EPB41L4B: variants seen among roughly 807,000 people sequenced by gnomAD.
The protein encoded by EPB41L4B is band 4.1-like protein 4B.
EPB41L4B carries 30 observed loss-of-function variants against 112.5 expected under a neutral mutation model. The observed-to-expected ratio is 0.27, with a 90% CI of 0.20 to 0.36. The LOEUF (loss-of-function observed/expected upper bound fraction) is 0.36. Among genes scored for constraint, EPB41L4B ranks in the 10% least tolerant of loss-of-function variants. EPB41L4B has a pLI of 1.00. For missense variants in EPB41L4B, 1,024 were observed against 1,133.3 expected, an observed-to-expected ratio of 0.90 and a Z score of 1.38; for synonymous variants, 408 against 439.7, an observed-to-expected ratio of 0.93 and a Z score of 0.90.
intron 1 of EPB41L4B, among the ~76,000 whole-genome samples, chr9:109,312,933 C>T (rs1280685979): frequency 6.6e-6 from 1 of 152,144 alleles, no homozygotes; most frequent in Non-Finnish European, 1.5e-5. Context: ...TCCATTGTCA[C>T]TCTGGGGACC....
chr9:109,249,658 C>T (rs1457496637), intron 13 of EPB41L4B, among the ~76,000 whole-genome samples: 2 of 151,864 alleles, frequency 1.3e-5, no homozygotes, highest in Non-Finnish European at 1.5e-5. Context: ...CTTACAAGCC[C>T]CAGAGAATTA....
intron 2 of EPB41L4B, among the ~76,000 whole-genome samples, chr9:109,275,657 A>T (rs921699878): frequency 6.6e-6 from 1 of 152,114 alleles, no homozygotes; most frequent in Non-Finnish European, 1.5e-5. Flanking sequence ...GGTTACAAAA[A>T]CTTTTCTCCT....
At chr9:109,238,041 C>A (rs993515408) in intron 15 of EPB41L4B, among the ~76,000 whole-genome samples, 4 of 152,058 alleles carry the variant, frequency 2.6e-5, no homozygotes, top group African/African-American at 4.8e-5. Context: ...GGCAAGAGAC[C>A]ACTGTGGTTG....
At chr9:109,235,673 C>G (rs1357598706) in intron 15 of EPB41L4B, among the ~76,000 whole-genome samples, 1 of 152,174 alleles carries the variant, frequency 6.6e-6, no homozygotes, top group Non-Finnish European at 1.5e-5. Context: ...GCTGGGATTA[C>G]AGGTATGATT....
intron 13 of EPB41L4B, among the ~76,000 whole-genome samples, chr9:109,248,526 T>A (rs1287606097): frequency 6.6e-6 from 1 of 152,184 alleles, no homozygotes; most frequent in Non-Finnish European, 1.5e-5. Context: ...TCCTAAAGCC[T>A]GTCTTCTTTC....
chr9:109,251,347 G>T, intron 13 of EPB41L4B, 134 bp downstream of exon 13: 2 of 818,460 alleles, frequency 2.4e-6, no homozygotes, highest in South Asian at 2.8e-5. Flanking sequence ...GAATAGCCAG[G>T]CAGCAGAAAA....
At chr9:109,316,326 A>G (rs989999836) in intron 1 of EPB41L4B, among the ~76,000 whole-genome samples, 3 of 152,240 alleles carry the variant, frequency 2.0e-5, no homozygotes, top group African/African-American at 7.2e-5. Flanking sequence ...CCGACCGCAC[A>G]TCCTAACAGC....
chr9:109,216,853 C>A (rs1204358633), intron 16 of EPB41L4B, 69 bp downstream of exon 16: 3 of 1,452,814 alleles, frequency 2.1e-6, no homozygotes, highest in Non-Finnish European at 2.9e-6. Flanking sequence ...TCTTAAGAAT[C>A]TAGGGAACTC....
rs1340379367 is a variant in EPB41L4B, at chr9:109,320,833, C to T, written c.-387G>A. 6.9e-6 allele frequency: 1 copy of T among 145,628 alleles called. No individual in the cohort carries two copies. The highest frequency in any genetic ancestry group is 2.5e-5 in the African/African-American group (1 of 40,556). 9.0% of individuals were successfully genotyped at this position (145,628 alleles called of 1,614,324 possible). A position where few individuals can be genotyped will look rare whatever the true frequency, so the allele number is the denominator to read the frequency against. On this transcript the variant is annotated 5_prime_UTR_variant, in exon 1 of 26. Coordinates refer to ENST00000374566, the MANE Select transcript of EPB41L4B (RefSeq NM_019114.5). ...GGAGGCGGGCTGCGGGCTGCTCCCG[C>T]GCCGCGCGCCGGCCGAGGGCCAGCC...
In EPB41L4B at chr9:109,220,792, CGT is replaced by C. The variant is rs146485129; in HGVS notation, c.1410-3649_1410-3648del. The stretch of plus-strand genomic sequence containing the variant: ...GTGTGTGTGAGCATATGTGTGTGTG[CGT>C]GTGTGTGTGTAAGAATGTGGAAGAA... On this transcript the variant is annotated intron_variant, in intron 15 of 25. Coordinates refer to ENST00000374566, the MANE Select transcript of EPB41L4B (RefSeq NM_019114.5). Among the ~76,000 whole-genome samples the C allele has an allele frequency of 1.5e-3, 224 of 151,762 alleles. 2 individuals carry two copies. The highest frequency in any genetic ancestry group is 4.0e-3 in the African/African-American group (165 of 41,356).
chr9:109,238,247 G>A (rs558693019), intron 15 of EPB41L4B, among the ~76,000 whole-genome samples: 16 of 152,210 alleles, frequency 1.1e-4, no homozygotes, highest in East Asian at 5.8e-4. Flanking sequence ...CCAATGTCAC[G>A]TGGCTGGACT....
At chr9:109,293,582 T>C (rs528465537) in intron 1 of EPB41L4B, among the ~76,000 whole-genome samples, 53 of 151,438 alleles carry the variant, frequency 3.5e-4, no homozygotes, top group African/African-American at 1.3e-3. Flanking sequence ...TGGGGTTTCT[T>C]CATGTCAGCC....
At chr9:109,242,859 A>C (rs1036142354) in intron 15 of EPB41L4B, among the ~76,000 whole-genome samples, 2 of 151,836 alleles carry the variant, frequency 1.3e-5, no homozygotes, top group East Asian at 3.9e-4. Context: ...AAAAAAAAAA[A>C]AAAAAAACAA....
At chr9:109,292,089 T>G (rs961491625) in intron 1 of EPB41L4B, among the ~76,000 whole-genome samples, 1 of 152,198 alleles carries the variant, frequency 6.6e-6, no homozygotes, top group Non-Finnish European at 1.5e-5. Context: ...CTATGAACCC[T>G]CTTTCAATCA....
At chr9:109,279,779 G>T in intron 2 of EPB41L4B, 38 bp downstream of exon 2, 1 of 1,556,062 alleles carries the variant, frequency 6.4e-7, no homozygotes, top group Non-Finnish European at 8.8e-7. Context: ...GCAATGAAAA[G>T]CCAATCTGTT....
chr9:109,211,019 T>C (rs1436040668), intron 17 of EPB41L4B, among the ~76,000 whole-genome samples: 1 of 152,224 alleles, frequency 6.6e-6, no homozygotes, highest in Non-Finnish European at 1.5e-5. Context: ...TTTATACAAA[T>C]TGTTTACACA....
chr9:109,221,577 A>G (rs1334947317), intron 15 of EPB41L4B, among the ~76,000 whole-genome samples: 4 of 152,176 alleles, frequency 2.6e-5, no homozygotes, highest in African/African-American at 9.6e-5. Flanking sequence ...AGATAGGGAT[A>G]CTAGCTGGAT....
At position 109,259,832 on chromosome 9, in the gene EPB41L4B, G is replaced by A. The variant is rs1044762492; in HGVS notation, c.632-1535C>T. ...ACTGTATCACAACTCAGGAGGCATC[G>A]AGGACAACCACAGCAAGACATGTCT... On this transcript the variant is annotated intron_variant, in intron 6 of 25. Coordinates refer to ENST00000374566, the MANE Select transcript of EPB41L4B (RefSeq NM_019114.5). Among the ~76,000 whole-genome samples, 53 of 152,252 alleles carry A rather than the reference G, an allele frequency of 3.5e-4. 1 individual carries two copies. The highest frequency in any genetic ancestry group is 2.1e-4 in the South Asian group (1 of 4,814).
At chr9:109,308,958 C>A (rs1043232150) in intron 1 of EPB41L4B, among the ~76,000 whole-genome samples, 2 of 152,136 alleles carry the variant, frequency 1.3e-5, no homozygotes, top group African/African-American at 4.8e-5. Flanking sequence ...TGCCTGTAAT[C>A]CCAGCTATTC....
Sources: gnomAD v4.1 joint callset for allele counts (sites outside exome capture counted in the v4.1 genomes callset) on GRCh38, gnomAD v4.1.1 for gene constraint, MANE v1.5 for transcripts, NCBI Gene and HGNC (gene_info 2026-07-23, HGNC 2026-07-21) for gene names.